Variants in VPS35 observed in about 807,000 individuals in gnomAD.
VPS35 encodes the protein vacuolar protein sorting-associated protein 35.
Under a neutral mutation model 98.1 loss-of-function variants are expected in VPS35, and 21 were observed. The ratio of observed to expected loss-of-function variants is 0.21; its 90% confidence interval spans 0.15 to 0.31. The LOEUF is 0.31. VPS35 is among the 10% of genes least tolerant of loss of function. The pLI is 1.00. For missense variants in VPS35, 554 were observed against 950.8 expected, an observed-to-expected ratio of 0.58 and a Z score of 5.49; for synonymous variants, 268 against 318.2, an observed-to-expected ratio of 0.84 and a Z score of 1.68.
intron 14 of VPS35, 141 bp downstream of exon 14, chr16:46,662,842 C>A: frequency 1.1e-6 from 1 of 913,226 alleles, no homozygotes; most frequent in Non-Finnish European, 1.7e-6. Context: ...ATAATATTAA[C>A]AGGTTCCATG....
intron 13 of VPS35, among the ~76,000 whole-genome samples, chr16:46,666,644 A>G (rs1322000778): frequency 2.0e-5 from 3 of 152,198 alleles, no homozygotes; most frequent in Admixed American, 2.0e-4. Flanking sequence ...ACAATTCTAC[A>G]TATAAATGAA....
At chr16:46,673,238 T>G (rs1966093862) in intron 10 of VPS35, among the ~76,000 whole-genome samples, 1 of 152,178 alleles carries the variant, frequency 6.6e-6, no homozygotes. Context: ...CCTGAATAGC[T>G]GGGATTACAG....
intron 3 of VPS35, 67 bp downstream of exon 3, chr16:46,682,012 A>G: frequency 7.8e-7 from 1 of 1,277,682 alleles, no homozygotes; most frequent in African/African-American, 1.5e-5. Context: ...ATAAAGAACA[A>G]ACAAAATAGG....
intron 5 of VPS35, among the ~76,000 whole-genome samples, chr16:46,680,009 A>G (rs1268090653): frequency 2.0e-5 from 3 of 152,178 alleles, no homozygotes; most frequent in East Asian, 1.9e-4. Context: ...AAGAAAGAAA[A>G]TAAATGAATA....
intron 1 of VPS35, among the ~76,000 whole-genome samples, chr16:46,683,889 T>C (rs1312896257): frequency 6.6e-6 from 1 of 152,134 alleles, no homozygotes; most frequent in Non-Finnish European, 1.5e-5. Flanking sequence ...CACACCCGGC[T>C]AATTTTTTTT....
intron 1 of VPS35, chr16:46,688,778 C>A: frequency 7.9e-7 from 1 of 1,267,954 alleles, no homozygotes; most frequent in Non-Finnish European, 1.0e-6. Context: ...GGGGGCCAGA[C>A]GCTCAGACCT....
chr16:46,674,294 CA>C lies in VPS35; in HGVS notation c.1160+19del. Reference sequence around the variant, plus strand: ...ACAAAAATATCTTTGAGGATTTTTACAAAAATGTAACTGACTTACTGTTCAA... The same window carrying C: ...ACAAAAATATCTTTGAGGATTTTTACAAAATGTAACTGACTTACTGTTCAA... On this transcript the variant is annotated intron_variant, in intron 10 of 16. Transcript: ENST00000299138. The C allele has an allele frequency of 6.2e-7, 1 of 1,613,034 alleles. No individual in the cohort carries two copies. Among genetic ancestry groups the C allele is most frequent in the South Asian group, 1.1e-5 (1 of 90,768 alleles).
chr16:46,685,560 T>C (rs1966297758), intron 1 of VPS35, among the ~76,000 whole-genome samples: 2 of 152,200 alleles, frequency 1.3e-5, no homozygotes, highest in Admixed American at 1.3e-4. Context: ...AGGTATCTTT[T>C]AAACTTCACT....
chr16:46,661,106 C>T lies in VPS35; in HGVS notation c.2212-455G>A, dbSNP rs1417740345. On this transcript the variant is annotated intron_variant, in intron 16 of 16. Coordinates refer to ENST00000299138, the MANE Select transcript of VPS35 (RefSeq NM_018206.6). The surrounding 1 kb of genome is among the most constrained non-coding windows in gnomAD (Gnocchi z 4.3). Reference sequence around the variant, plus strand: ...AGGTTGCAATGAGCTGAGATTGCCACTGCACTCCAGCCTGGGTGACAGAGC... The same window carrying T: ...AGGTTGCAATGAGCTGAGATTGCCATTGCACTCCAGCCTGGGTGACAGAGC... 6.6e-6 allele frequency among the ~76,000 whole-genome samples: 1 copy of T among 152,104 alleles called. No homozygotes were observed. Among genetic ancestry groups the T allele is most frequent in the Non-Finnish European group, 1.5e-5 (1 of 68,038 alleles).
rs557475498 is a variant in VPS35 at position 46,657,516 on chromosome 16, C to T, written c.*2956G>A. The stretch of plus-strand genomic sequence containing the variant: ...TCTCAATGCCTTTGAGAGCTGCACA[C>T]GAACTGTACACAAGTGCTCATCATT... On this transcript the variant is annotated 3_prime_UTR_variant, in exon 17 of 17. Transcript: ENST00000299138. The T allele has an allele frequency of 1.3e-5, 2 of 152,256 alleles. No individual in the cohort carries two copies. Among genetic ancestry groups the T allele is most frequent in the East Asian group, 3.9e-4 (2 of 5,186 alleles). 9.4% of individuals were successfully genotyped at this position (152,256 alleles called of 1,614,324 possible).
chr16:46,681,947 A>G, intron 3 of VPS35, 132 bp downstream of exon 3: 1 of 695,994 alleles, frequency 1.4e-6, no homozygotes, highest in East Asian at 2.7e-5. Context: ...CTGCATGGAG[A>G]AGGAGTGCCA....
chr16:46,665,718 C>T lies in VPS35; in HGVS notation c.1648-2556G>A, dbSNP rs141165649. Among the ~76,000 whole-genome samples the T allele has an allele frequency of 2.6e-3, 398 of 152,068 alleles. 4 individuals carry two copies. The highest frequency in any genetic ancestry group is 3.7e-3 in the Admixed American group (57 of 15,264). ...TTTATTTGCCCTAAATCGTTTTGAT[C>T]CCCAGAATTTTTTTATCTTATAACT... is the stretch of plus-strand genomic sequence containing the variant. On this transcript the variant is annotated intron_variant, in intron 13 of 16. Transcript: ENST00000299138.
chr16:46,662,534 G>C, intron 14 of VPS35, 52 bp from the exon 15 acceptor site: 1 of 1,606,090 alleles, frequency 6.2e-7, no homozygotes, highest in Non-Finnish European at 8.5e-7. Context: ...TCCTCTAGTT[G>C]AGCATTTTCC....
intron 4 of VPS35, 54 bp from the exon 5 acceptor site, chr16:46,680,907 T>C: frequency 6.4e-7 from 1 of 1,559,480 alleles, no homozygotes; most frequent in Non-Finnish European, 8.8e-7. Context: ...AAATCAAGAA[T>C]TTATTTCCAA....
intron 15 of VPS35, 167 bp downstream of exon 15, chr16:46,662,076 G>A: frequency 7.5e-7 from 1 of 1,340,998 alleles, no homozygotes; most frequent in Non-Finnish European, 1.0e-6. Context: ...TATCCTCAAA[G>A]CAGAGGCTTC....
At chr16:46,680,629 G>GA in intron 5 of VPS35, 42 bp downstream of exon 5, 2 of 1,596,570 alleles carry the variant, frequency 1.3e-6, no homozygotes, top group East Asian at 4.5e-5. Context: ...ATTCTACAAT[G>GA]AAAGAAATAT....
rs1966370183 is a variant in VPS35, at chr16:46,688,856, G to C, written c.3+275C>G. 4.9e-6 allele frequency: 7 copies of C among 1,417,884 alleles called. No individual in the cohort carries two copies. The South Asian group carries it at 1.1e-4, about 22-fold the overall frequency. The allele number at this position is 1,417,884 out of a possible 1,614,324, so 87.8% of individuals were successfully genotyped here. ...CTTAAAGGAGGCCGCAGGCCTTCAT[G>C]GACCCCAAAGCCTACATGCCAAGTC... On this transcript the variant is annotated intron_variant, in intron 1 of 16. Transcript: ENST00000299138.
chr16:46,689,130 C>T lies in VPS35; in HGVS notation c.3+1G>A. On this transcript the variant is annotated splice_donor_variant, in intron 1 of 16. Transcript: ENST00000299138. LOFTEE classifies it high-confidence loss of function. ...GGTGCCACTGCCCCCTCAGCACTCACCATGGCGACTCCCCAGAGCCTGCAG... is the reference window on the plus strand; with the variant it reads ...GGTGCCACTGCCCCCTCAGCACTCATCATGGCGACTCCCCAGAGCCTGCAG... 1.2e-6 allele frequency: 2 copies of T among 1,609,456 alleles called. No homozygotes were observed. The highest frequency in any genetic ancestry group is 1.7e-6 in the Non-Finnish European group (2 of 1,178,718).
chr16:46,656,672 G>C lies in VPS35; in HGVS notation c.*3800C>G, dbSNP rs1419735944. On this transcript the variant is annotated 3_prime_UTR_variant, in exon 17 of 17. Coordinates refer to ENST00000299138, the MANE Select transcript of VPS35 (RefSeq NM_018206.6). ...CAGCCTAAGATTTTACTTATTTGAA[G>C]ACACTACTGATGCAAGCCTGAACAC... The C allele has an allele frequency of 6.6e-6, 1 of 152,202 alleles. No homozygotes were observed. Among genetic ancestry groups the C allele is most frequent in the Non-Finnish European group, 1.5e-5 (1 of 68,050 alleles). 9.4% of individuals were successfully genotyped at this position (152,202 alleles called of 1,614,324 possible).
Sources: allele counts gnomAD v4.1 joint callset (sites outside exome capture counted in the v4.1 genomes callset), GRCh38; gene constraint gnomAD v4.1.1; non-coding constraint Gnocchi (gnomAD v3.1); transcripts MANE v1.5; gene names NCBI Gene and HGNC (gene_info 2026-07-23, HGNC 2026-07-21).